Variants in SNTG2 observed in about 807,000 individuals in gnomAD.
SNTG2 encodes gamma-2-syntrophin.
Under a neutral mutation model 70.9 loss-of-function variants are expected in SNTG2, and 74 were observed. That is an observed-to-expected ratio of 1.04 (90% confidence interval 0.86 to 1.27). SNTG2 has a LOEUF of 1.27. Among genes scored for constraint, SNTG2 ranks in the 50% most tolerant of loss-of-function variants. The pLI is 0.00. For synonymous variants in SNTG2, 278 were observed against 273.8 expected (o/e 1.02, Z -0.15); for missense variants, 717 against 690.7 (o/e 1.04, Z -0.43).
At chr2:1,245,984 C>T (rs1356670131) in intron 11 of SNTG2, among the ~76,000 whole-genome samples, 3 of 152,098 alleles carry the variant, frequency 2.0e-5, no homozygotes, top group African/African-American at 4.8e-5. Context: ...GAAATAAAGT[C>T]GTCCTGTGTT....
intron 14 of SNTG2, among the ~76,000 whole-genome samples, chr2:1,299,280 G>T (rs965069250): frequency 1.3e-5 from 2 of 152,184 alleles, no homozygotes; most frequent in African/African-American, 2.4e-5. Context: ...AGGAATGTCC[G>T]CAAACCAAGT....
chr2:1,303,505 T>G (rs530128638), intron 14 of SNTG2, among the ~76,000 whole-genome samples: 3 of 152,346 alleles, frequency 2.0e-5, no homozygotes, highest in African/African-American at 7.2e-5. Flanking sequence ...GCAGGAAATT[T>G]ACGGCATTAA....
chr2:1,351,846 G>A (rs1029730234), intron 16 of SNTG2, among the ~76,000 whole-genome samples: 11 of 152,072 alleles, frequency 7.2e-5, no homozygotes, highest in African/African-American at 1.7e-4. Context: ...GCCAGCCCAC[G>A]AGGCGCTTTC....
intron 14 of SNTG2, among the ~76,000 whole-genome samples, chr2:1,297,122 G>A (rs1680251242): frequency 1.3e-5 from 2 of 152,060 alleles, no homozygotes; most frequent in South Asian, 4.1e-4. Flanking sequence ...CGTTCTACTG[G>A]AAACCTGCAT....
chr2:968,111 A>T (rs1660629376), intron 1 of SNTG2, among the ~76,000 whole-genome samples: 1 of 151,348 alleles, frequency 6.6e-6, no homozygotes, highest in South Asian at 2.1e-4. Context: ...TTCATGCAGA[A>T]TGCATTTGAG....
intron 2 of SNTG2, among the ~76,000 whole-genome samples, chr2:1,088,915 G>A (rs983913359): frequency 3.3e-5 from 5 of 152,216 alleles, no homozygotes; most frequent in African/African-American, 1.2e-4. Context: ...CTCCACAGCG[G>A]AGGATGGCAT....
chr2:1,225,059 G>A (rs1344086425), intron 9 of SNTG2, among the ~76,000 whole-genome samples: 1 of 152,180 alleles, frequency 6.6e-6, no homozygotes. Flanking sequence ...GTTGTGAATC[G>A]GAGACTGAGT....
chr2:986,140 A>G (rs1340205854), intron 1 of SNTG2, among the ~76,000 whole-genome samples: 1 of 148,488 alleles, frequency 6.7e-6, no homozygotes, highest in Non-Finnish European at 1.5e-5. Context: ...CTGAGTATCA[A>G]TTTTCCTTTC....
At position 1,338,664 on chromosome 2, in the gene SNTG2, A is replaced by G. The variant is rs188199625; in HGVS notation, c.1488+22289A>G. Among the ~76,000 whole-genome samples the G allele has an allele frequency of 3.2e-3, 485 of 152,276 alleles. 2 individuals are homozygous for G. The highest frequency in any genetic ancestry group is 5.2e-3 in the Admixed American group (79 of 15,292). On this transcript the variant is annotated intron_variant, in intron 16 of 16. Transcript: ENST00000308624. ...ATCTGGCTTCTTTTGCTTAGAGCTT[A>G]ATGTCTTCAAGGTCCATCCATGTTG...
intron 16 of SNTG2, among the ~76,000 whole-genome samples, chr2:1,330,842 G>T (rs1049123252): frequency 6.6e-6 from 1 of 152,138 alleles, no homozygotes; most frequent in African/African-American, 2.4e-5. Flanking sequence ...CTCAGTTTTG[G>T]TAAGCAGTGT....
chr2:1,112,032 G>A lies in SNTG2; in HGVS notation c.325+13622G>A, dbSNP rs140288619. On this transcript the variant is annotated intron_variant, in intron 4 of 16. Coordinates refer to ENST00000308624, the MANE Select transcript of SNTG2 (RefSeq NM_018968.4). ...TACAGTCCTTTGAGAAGGATCGTGT[G>A]TACTAAGTGAGGTTTTACCCTTACA... 7.3e-4 allele frequency among the ~76,000 whole-genome samples: 107 copies of A among 146,610 alleles called. 1 individual carries two copies. In the East Asian group the frequency reaches 0.02, roughly 27 times the overall value.
chr2:1,257,295 G>A (rs1030407158), intron 12 of SNTG2, among the ~76,000 whole-genome samples: 5 of 152,158 alleles, frequency 3.3e-5, no homozygotes, highest in African/African-American at 7.2e-5. Flanking sequence ...TCATGTTGGC[G>A]AAGATGATGA....
At chr2:1,347,947 T>C (rs948020632) in intron 16 of SNTG2, among the ~76,000 whole-genome samples, 5 of 152,084 alleles carry the variant, frequency 3.3e-5, no homozygotes, top group African/African-American at 1.2e-4. Context: ...ATTTAGATTT[T>C]GGGTAAACAA....
At chr2:964,742 G>T (rs1660468895) in intron 1 of SNTG2, among the ~76,000 whole-genome samples, 1 of 152,178 alleles carries the variant, frequency 6.6e-6, no homozygotes, top group Admixed American at 6.5e-5. Flanking sequence ...CTGAGCCCTG[G>T]GCACTCTGCC....
chr2:1,221,319 C>A (rs1031062257), intron 9 of SNTG2, among the ~76,000 whole-genome samples: 1 of 151,664 alleles, frequency 6.6e-6, no homozygotes, highest in Non-Finnish European at 1.5e-5. Flanking sequence ...CTCTGTCTCT[C>A]CCTGTCTCTG....
At chr2:1,042,605 A>G (rs1190304426) in intron 1 of SNTG2, among the ~76,000 whole-genome samples, 2 of 152,156 alleles carry the variant, frequency 1.3e-5, no homozygotes, top group Non-Finnish European at 2.9e-5. Flanking sequence ...CCCACTTACA[A>G]ATGAGAATAT....
At chr2:1,167,640 G>A (rs1285987473) in intron 7 of SNTG2, among the ~76,000 whole-genome samples, 2 of 98,240 alleles carry the variant, frequency 2.0e-5, no homozygotes, top group Admixed American at 1.1e-4. Context: ...CCCACAGACG[G>A]CAGAACTGAA....
intron 9 of SNTG2, among the ~76,000 whole-genome samples, chr2:1,231,078 G>A (rs1158556627): frequency 7.6e-5 from 11 of 144,758 alleles, no homozygotes; most frequent in African/African-American, 2.7e-4. Context: ...TCCGAAAGGT[G>A]AATTACTTAG....
chr2:1,080,624 G>A (rs1286892925), intron 1 of SNTG2, among the ~76,000 whole-genome samples: 1 of 151,536 alleles, frequency 6.6e-6, no homozygotes, highest in Non-Finnish European at 1.5e-5. Context: ...TTGCATGTGT[G>A]TGTGTGTCTG....
Sources: allele counts gnomAD v4.1 joint callset (sites outside exome capture counted in the v4.1 genomes callset), GRCh38; gene constraint gnomAD v4.1.1; transcripts MANE v1.5; gene names NCBI Gene and HGNC (gene_info 2026-07-23, HGNC 2026-07-21).